The following KCTD8 variants were observed in gnomAD, a reference collection of about 807,000 sequenced individuals.
KCTD8 encodes the protein potassium channel tetramerization domain containing 8.
In KCTD8, 27 loss-of-function variants were observed where a neutral mutation model predicts 31.5. That is an observed-to-expected ratio of 0.86 (90% CI 0.63 to 1.18). The LOEUF (loss-of-function observed/expected upper bound fraction) is 1.18. KCTD8 is among the 50% of genes most tolerant of loss of function. The probability of loss-of-function intolerance (pLI) is 0.00; values close to 1 mark genes in which losing one functional copy is unlikely to be tolerated. For synonymous variants in KCTD8, 290 were observed against 280.0 expected (o/e 1.04, Z -0.36); for missense variants, 658 against 647.7 (o/e 1.02, Z -0.17).
At chr4:44,418,674 C>T (rs76503534) in intron 1 of KCTD8, among the ~76,000 whole-genome samples, 2 of 152,282 alleles carry the variant, frequency 1.3e-5, no homozygotes, top group East Asian at 3.9e-4. Flanking sequence ...ATTAGACATG[C>T]CTTTCACAGA....
At chr4:44,344,849 A>G (rs1718998680) in intron 1 of KCTD8, among the ~76,000 whole-genome samples, 1 of 152,228 alleles carries the variant, frequency 6.6e-6, no homozygotes, top group Admixed American at 6.5e-5. Context: ...TTTGAGAAAC[A>G]CTGCTCTAAA....
At chr4:44,265,272 CA>C (rs1204049658) in intron 1 of KCTD8, among the ~76,000 whole-genome samples, 1 of 152,114 alleles carries the variant, frequency 6.6e-6, no homozygotes, top group African/African-American at 2.4e-5. Context: ...TGCTGACACC[CA>C]GGCAAACAGG....
intron 1 of KCTD8, among the ~76,000 whole-genome samples, chr4:44,400,823 G>T (rs879560610): frequency 6.6e-6 from 1 of 150,638 alleles, no homozygotes; most frequent in Non-Finnish European, 1.5e-5. Flanking sequence ...TTAGTTCAAT[G>T]AATGAATTTC....
chr4:44,336,527 C>A (rs931261111), intron 1 of KCTD8, among the ~76,000 whole-genome samples: 4 of 151,750 alleles, frequency 2.6e-5, no homozygotes, highest in Admixed American at 2.6e-4. Flanking sequence ...AAATTAAAAT[C>A]GAAAAATGTT....
At chr4:44,407,164 T>C (rs1720819409) in intron 1 of KCTD8, among the ~76,000 whole-genome samples, 1 of 152,142 alleles carries the variant, frequency 6.6e-6, no homozygotes, top group Non-Finnish European at 1.5e-5. Context: ...CTTCCAATTA[T>C]TTAAAACACA....
intron 1 of KCTD8, among the ~76,000 whole-genome samples, chr4:44,186,230 A>G (rs1419757052): frequency 2.6e-5 from 4 of 152,160 alleles, no homozygotes; most frequent in African/African-American, 7.2e-5. Context: ...CAGGCCATCA[A>G]CTGGGGGAGC....
intron 1 of KCTD8, among the ~76,000 whole-genome samples, chr4:44,210,391 C>T (rs1014027342): frequency 1.3e-5 from 2 of 152,078 alleles, no homozygotes; most frequent in East Asian, 3.9e-4. Context: ...AGAAGATAAT[C>T]TGGACAATGC....
intron 1 of KCTD8, among the ~76,000 whole-genome samples, chr4:44,407,389 CTTTTTTT>C (rs753718961): frequency 1.4e-5 from 2 of 140,978 alleles, no homozygotes; most frequent in African/African-American, 2.6e-5. Context: ...CTCTTTTTTT[CTTTTTTT>C]TTTTTTTGGA....
intron 1 of KCTD8, among the ~76,000 whole-genome samples, chr4:44,242,808 G>A (rs1406061626): frequency 6.6e-6 from 1 of 151,960 alleles, no homozygotes; most frequent in Non-Finnish European, 1.5e-5. Flanking sequence ...GTCTTTAAAA[G>A]TGGGTGGCAT....
chr4:44,444,738 A>G (rs28507287), intron 1 of KCTD8, among the ~76,000 whole-genome samples: 1,763 of 148,222 alleles, frequency 0.012, 43 homozygotes, highest in African/African-American at 0.042. Context: ...GGATTACTGA[A>G]CCATTTGCCA....
At chr4:44,320,761 T>C (rs551792565) in intron 1 of KCTD8, among the ~76,000 whole-genome samples, 3 of 150,222 alleles carry the variant, frequency 2.0e-5, no homozygotes, top group East Asian at 2.0e-4. Context: ...CCCTGTGCGA[T>C]AGTGACTGGA....
chr4:44,332,988 T>A (rs538276946), intron 1 of KCTD8, among the ~76,000 whole-genome samples: 1 of 152,026 alleles, frequency 6.6e-6, no homozygotes, highest in African/African-American at 2.4e-5. Flanking sequence ...CTAAGGTCAA[T>A]TGCAGAGACC....
intron 1 of KCTD8, among the ~76,000 whole-genome samples, chr4:44,287,200 T>C (rs960899814): frequency 1.3e-5 from 2 of 152,078 alleles, no homozygotes; most frequent in African/African-American, 4.8e-5. Context: ...GAGGAATGCT[T>C]GAGCCCATGA....
chr4:44,228,371 C>T (rs2109351372), intron 1 of KCTD8, among the ~76,000 whole-genome samples: 1 of 152,196 alleles, frequency 6.6e-6, no homozygotes, highest in South Asian at 2.1e-4. Flanking sequence ...CCCTTAGGAA[C>T]TTATTTTACC....
chr4:44,382,636 A>G (rs1044486725), intron 1 of KCTD8, among the ~76,000 whole-genome samples: 1 of 151,980 alleles, frequency 6.6e-6, no homozygotes, highest in Admixed American at 6.6e-5. Flanking sequence ...AGGCTGAGGC[A>G]GAAGAATCGT....
intron 1 of KCTD8, among the ~76,000 whole-genome samples, chr4:44,285,873 T>C (rs1002979774): frequency 2.0e-5 from 3 of 152,134 alleles, no homozygotes; most frequent in Non-Finnish European, 4.4e-5. Context: ...TTGGAAGAGA[T>C]TCTACATTCT....
chr4:44,277,757 T>C (rs1169466875), intron 1 of KCTD8, among the ~76,000 whole-genome samples: 2 of 151,936 alleles, frequency 1.3e-5, no homozygotes, highest in African/African-American at 4.8e-5. Flanking sequence ...CAATCCTATG[T>C]AGAAATAGTA....
intron 1 of KCTD8, among the ~76,000 whole-genome samples, chr4:44,374,519 C>T (rs775054879): frequency 2.0e-5 from 3 of 152,110 alleles, no homozygotes; most frequent in Non-Finnish European, 4.4e-5. Context: ...AGCTCTTTAT[C>T]TTTTCATTCA....
chr4:44,208,452 T>C (rs1184206852), intron 1 of KCTD8, among the ~76,000 whole-genome samples: 6 of 152,160 alleles, frequency 3.9e-5, no homozygotes. Flanking sequence ...CTCCATCTCT[T>C]ATCACTACTT....
Sources: gnomAD v4.1 joint callset for allele counts (sites outside exome capture counted in the v4.1 genomes callset) on GRCh38, gnomAD v4.1.1 for gene constraint, MANE v1.5 for transcripts, NCBI Gene and HGNC (gene_info 2026-07-23, HGNC 2026-07-21) for gene names.